The following FBXO11 variants were observed in gnomAD, a reference collection of about 807,000 sequenced individuals.
The protein encoded by FBXO11 is F-box only protein 11.
FBXO11 carries 13 observed loss-of-function variants against 117.0 expected under a neutral mutation model. The observed-to-expected ratio is 0.11, with a 90% CI of 0.07 to 0.18. FBXO11 has a LOEUF of 0.18. Ranked by LOEUF, FBXO11 falls within the 10% of genes least tolerant of loss-of-function variation. The pLI, the probability that FBXO11 is intolerant of heterozygous loss-of-function variation, is 1.00. For synonymous variants in FBXO11, 490 were observed against 380.5 expected (o/e 1.29, Z -3.35); for missense variants, 767 against 1,164.4 (o/e 0.66, Z 4.97).
chr2:47,865,557 C>T (rs1675133198), intron 1 of FBXO11, among the ~76,000 whole-genome samples: 1 of 152,322 alleles, frequency 6.6e-6, no homozygotes, highest in East Asian at 1.9e-4. Context: ...ACTCTAGATG[C>T]TTACCTGTAG....
At chr2:47,882,980 C>T (rs1020250800) in intron 1 of FBXO11, among the ~76,000 whole-genome samples, 1 of 152,066 alleles carries the variant, frequency 6.6e-6, no homozygotes, top group Non-Finnish European at 1.5e-5. Flanking sequence ...TCCCAAGTTC[C>T]CTCAACTCAC....
intron 1 of FBXO11, among the ~76,000 whole-genome samples, chr2:47,863,712 G>C (rs1344734883): frequency 1.3e-5 from 2 of 152,118 alleles, no homozygotes; most frequent in Admixed American, 6.5e-5. Context: ...TGCCTACGGT[G>C]GGCAGATCAC....
intron 7 of FBXO11, 73 bp from the exon 8 acceptor site, chr2:47,833,143 A>T: frequency 2.1e-6 from 2 of 972,368 alleles, no homozygotes; most frequent in South Asian, 2.8e-5. Context: ...TGGAGGGGGA[A>T]CTTACTAAAA....
chr2:47,837,793 C>T lies in FBXO11; in HGVS notation c.587+1066G>A, dbSNP rs183354016. Among the ~76,000 whole-genome samples the T allele has an allele frequency of 4.3e-3, 647 of 152,208 alleles. 1 individual carries two copies. The highest frequency in any genetic ancestry group is 6.7e-3 in the Admixed American group (102 of 15,288). On this transcript the variant is annotated intron_variant, in intron 4 of 22. Coordinates refer to ENST00000403359, the MANE Select transcript of FBXO11 (RefSeq NM_001190274.2). ...CCGCCCAGGCTGCAGTGCAGTGGCA[C>T]GATCACGGCTTTCTGCAGCCTTGAC... is the stretch of plus-strand genomic sequence containing the variant.
chr2:47,862,516 T>TG (rs1674855804), intron 1 of FBXO11, among the ~76,000 whole-genome samples: 1 of 152,238 alleles, frequency 6.6e-6, no homozygotes, highest in South Asian at 2.1e-4. Flanking sequence ...CTTGAACTCC[T>TG]GGGCTCAAAC....
chr2:47,884,582 G>A (rs756864704), intron 1 of FBXO11, among the ~76,000 whole-genome samples: 3 of 152,140 alleles, frequency 2.0e-5, no homozygotes, highest in South Asian at 2.1e-4. Context: ...ACATTCATTC[G>A]GAAAGTATGA....
chr2:47,864,276 T>A (rs1435961501), intron 1 of FBXO11, among the ~76,000 whole-genome samples: 1 of 152,148 alleles, frequency 6.6e-6, no homozygotes, highest in Non-Finnish European at 1.5e-5. Flanking sequence ...GAAACTACCT[T>A]TGAACAACTC....
intron 16 of FBXO11, among the ~76,000 whole-genome samples, chr2:47,815,016 T>C (rs1670911903): frequency 6.6e-6 from 1 of 152,226 alleles, no homozygotes; most frequent in African/African-American, 2.4e-5. Context: ...AGTCACATCT[T>C]CATGTTCCAT....
At chr2:47,865,183 G>A (rs1675102000) in intron 1 of FBXO11, among the ~76,000 whole-genome samples, 1 of 152,176 alleles carries the variant, frequency 6.6e-6, no homozygotes, top group Non-Finnish European at 1.5e-5. Context: ...CTTTGTGACA[G>A]AAACTGCTAT....
chr2:47,898,804 T>C (rs892090360), intron 1 of FBXO11, among the ~76,000 whole-genome samples: 3 of 152,182 alleles, frequency 2.0e-5, no homozygotes, highest in Non-Finnish European at 4.4e-5. Flanking sequence ...CCCCTGAAAG[T>C]TATACAAACA....
At position 47,808,103 on chromosome 2, in the gene FBXO11, C is replaced by CTT; in HGVS notation, c.*13_*14dup. Reference sequence around the variant, plus strand: ...TGATGTTACAATGGCAGGACTTTTTCTTTAGGGAAGGAATTCAGTTGTGCT... The same window carrying CTT: ...TGATGTTACAATGGCAGGACTTTTTCTTTTTAGGGAAGGAATTCAGTTGTGCT... On this transcript the variant is annotated 3_prime_UTR_variant, in exon 23 of 23. Transcript: ENST00000403359. 6.3e-7 allele frequency: 1 copy of CTT among 1,592,406 alleles called. No homozygotes were observed. The highest frequency in any genetic ancestry group is 8.5e-7 in the Non-Finnish European group (1 of 1,172,688).
chr2:47,858,021 C>T (rs1007352190), intron 1 of FBXO11, among the ~76,000 whole-genome samples: 1 of 151,924 alleles, frequency 6.6e-6, no homozygotes, highest in Non-Finnish European at 1.5e-5. Context: ...CAGCAGATGG[C>T]GCCAAAATAT....
intron 1 of FBXO11, among the ~76,000 whole-genome samples, chr2:47,894,952 G>C (rs921065556): frequency 2.0e-5 from 3 of 152,034 alleles, no homozygotes; most frequent in Non-Finnish European, 4.4e-5. Context: ...AGGATACCAA[G>C]AGACTCAAGA....
intron 1 of FBXO11, 120 bp downstream of exon 1, chr2:47,905,369 T>C (rs1040302806): frequency 5.1e-6 from 5 of 989,174 alleles, no homozygotes; most frequent in Non-Finnish European, 6.3e-6. Flanking sequence ...TCCGCTCAGC[T>C]TGGGTCTCCC....
rs187913035 is a variant in FBXO11, at chr2:47,874,771, G to T, written c.232+30718C>A. Among the ~76,000 whole-genome samples, 910 of 151,920 alleles carry T rather than the reference G, an allele frequency of 6.0e-3. 8 individuals are homozygous for T. Among genetic ancestry groups the T allele is most frequent in the African/African-American group, 0.021 (875 of 41,426 alleles). Reference sequence around the variant, plus strand: ...CCTGGTCTCTAACTCCTGGCCTCAAGCGATCCACCCGCCTCAGCCTCCCAA... The same window carrying T: ...CCTGGTCTCTAACTCCTGGCCTCAATCGATCCACCCGCCTCAGCCTCCCAA... On this transcript the variant is annotated intron_variant, in intron 1 of 22. Transcript: ENST00000403359.
intron 3 of FBXO11, 37 bp from the exon 4 acceptor site, chr2:47,839,040 A>T (rs201543469): frequency 6.4e-7 from 1 of 1,565,124 alleles, no homozygotes; most frequent in African/African-American, 1.4e-5. Flanking sequence ...TCATTCGAGC[A>T]ATAACTTTCT....
intron 12 of FBXO11, 124 bp from the exon 13 acceptor site, chr2:47,822,427 T>C: frequency 1.7e-6 from 1 of 603,188 alleles, no homozygotes; most frequent in Non-Finnish European, 2.9e-6. Context: ...CCTCAATTTC[T>C]TCATTATTTC....
At chr2:47,849,582 C>CA (rs1334797731) in intron 1 of FBXO11, among the ~76,000 whole-genome samples, 1 of 152,190 alleles carries the variant, frequency 6.6e-6, no homozygotes, top group Non-Finnish European at 1.5e-5. Context: ...GCCTAAGAGA[C>CA]AGACAACTAA....
At position 47,891,908 on chromosome 2, in the gene FBXO11, G is replaced by A. The variant is rs113531241; in HGVS notation, c.232+13581C>T. 8.7e-3 allele frequency among the ~76,000 whole-genome samples: 1,329 copies of A among 152,118 alleles called. 8 individuals carry two copies. Among genetic ancestry groups the A allele is most frequent in the Middle Eastern group, 0.014 (4 of 294 alleles). ...TTTTCCATATACTTGCTTGCCATCT[G>A]TATGTCTTCTCTGGAGAATGTCTAT... On this transcript the variant is annotated intron_variant, in intron 1 of 22. Coordinates refer to ENST00000403359, the MANE Select transcript of FBXO11 (RefSeq NM_001190274.2).
Sources: gnomAD v4.1 joint callset for allele counts (sites outside exome capture counted in the v4.1 genomes callset) on GRCh38, gnomAD v4.1.1 for gene constraint, MANE v1.5 for transcripts, NCBI Gene and HGNC (gene_info 2026-07-23, HGNC 2026-07-21) for gene names.